Variants in ROR1 observed in about 807,000 individuals in gnomAD.
ROR1 encodes the protein inactive tyrosine-protein kinase transmembrane receptor ROR1.
A neutral mutation model predicts 78.8 loss-of-function variants in ROR1; 19 were observed. The ratio of observed to expected loss-of-function variants is 0.24; its 90% CI spans 0.17 to 0.35. The LOEUF (loss-of-function observed/expected upper bound fraction) is 0.35, where lower values mean the gene tolerates loss of function less well. Among genes scored for constraint, ROR1 ranks in the 10% least tolerant of loss-of-function variants. The probability of loss-of-function intolerance (pLI) is 1.00; values close to 1 mark genes in which losing one functional copy is unlikely to be tolerated. For synonymous variants in ROR1, 386 were observed against 433.6 expected (o/e 0.89, Z 1.36); for missense variants, 917 against 1,177.8 (o/e 0.78, Z 3.24).
At chr1:64,063,946 T>C (rs1646936541) in intron 4 of ROR1, among the ~76,000 whole-genome samples, 1 of 152,210 alleles carries the variant, frequency 6.6e-6, no homozygotes, top group Non-Finnish European at 1.5e-5. Flanking sequence ...TTAGCCCAGC[T>C]CTACCTTTCT....
At chr1:63,965,185 A>G (rs1052258680) in intron 1 of ROR1, among the ~76,000 whole-genome samples, 1 of 152,140 alleles carries the variant, frequency 6.6e-6, no homozygotes, top group Admixed American at 6.5e-5. Flanking sequence ...AATTTGCCCA[A>G]CGTTAACACA....
At chr1:64,058,677 A>G (rs1401753561) in intron 4 of ROR1, among the ~76,000 whole-genome samples, 2 of 151,904 alleles carry the variant, frequency 1.3e-5, no homozygotes, top group Non-Finnish European at 2.9e-5. Flanking sequence ...TTGTATTAGA[A>G]TAATTCCTAC....
chr1:64,071,186 G>A (rs184057907), intron 4 of ROR1, among the ~76,000 whole-genome samples: 1 of 152,284 alleles, frequency 6.6e-6, no homozygotes, highest in Admixed American at 6.5e-5. Context: ...GCAAGCCAGT[G>A]TTTGGGCTTC....
chr1:63,944,938 A>G (rs1396254837), intron 1 of ROR1, among the ~76,000 whole-genome samples: 2 of 152,218 alleles, frequency 1.3e-5, no homozygotes, highest in Admixed American at 1.3e-4. Flanking sequence ...CCTCTCTTGC[A>G]TATTAAAATT....
chr1:63,867,415 T>G (rs1245652127), intron 1 of ROR1, among the ~76,000 whole-genome samples: 2 of 152,180 alleles, frequency 1.3e-5, no homozygotes, highest in Admixed American at 6.5e-5. Flanking sequence ...CAGTTTTCTT[T>G]CATCTTGAAA....
rs570250522 is a variant in ROR1 at position 63,840,950 on chromosome 1, C to G, written c.91+66442C>G. Among the ~76,000 whole-genome samples the G allele has an allele frequency of 1.9e-3, 290 of 152,046 alleles. 2 individuals carry two copies. The highest frequency in any genetic ancestry group is 6.8e-3 in the African/African-American group (282 of 41,332). Reference sequence around the variant, plus strand: ...CTGTTTTCAACAGGTTCCTAAGGGTCTGTGTTTCTAGCGCTTTAGCACTTC... The same window carrying G: ...CTGTTTTCAACAGGTTCCTAAGGGTGTGTGTTTCTAGCGCTTTAGCACTTC... On this transcript the variant is annotated intron_variant, in intron 1 of 8. Coordinates refer to ENST00000371079, the MANE Select transcript of ROR1 (RefSeq NM_005012.4).
chr1:63,855,185 A>C (rs1253394555), intron 1 of ROR1, among the ~76,000 whole-genome samples: 1 of 152,096 alleles, frequency 6.6e-6, no homozygotes, highest in Non-Finnish European at 1.5e-5. Context: ...TGACCTCCCA[A>C]CTTGAAGTAA....
chr1:63,998,250 T>C (rs1463468505), intron 1 of ROR1, among the ~76,000 whole-genome samples: 2 of 151,364 alleles, frequency 1.3e-5, no homozygotes, highest in East Asian at 3.9e-4. Flanking sequence ...TAAAATTAAG[T>C]GGAAAATTGT....
intron 8 of ROR1, among the ~76,000 whole-genome samples, chr1:64,165,701 C>CTTTTTTTTTTTTTTTTTTTTTTTTTT (rs576997668): frequency 9.7e-6 from 1 of 102,920 alleles, no homozygotes; most frequent in Non-Finnish European, 1.9e-5. Context: ...TCGGGTTTTA[C>CTTTTTTTTTTTTTTTTTTTTTTTTTT]TTTTTTTTTT....
At chr1:63,820,653 A>T (rs1644918342) in intron 1 of ROR1, among the ~76,000 whole-genome samples, 1 of 152,202 alleles carries the variant, frequency 6.6e-6, no homozygotes, top group Non-Finnish European at 1.5e-5. Context: ...ATGTGGATAA[A>T]AGAATGAACA....
At chr1:63,884,313 G>C (rs77886516) in intron 1 of ROR1, among the ~76,000 whole-genome samples, 13,161 of 152,124 alleles carry the variant, frequency 0.087, 1,532 homozygotes, top group African/African-American at 0.26. Context: ...GGTAAAGTCA[G>C]ACTGTTGGTG....
In ROR1 at chr1:63,778,161, A is replaced by G. The variant is rs538536450; in HGVS notation, c.91+3653A>G. Among the ~76,000 whole-genome samples the G allele has an allele frequency of 2.0e-5, 3 of 152,330 alleles. No homozygotes were observed. In the South Asian group the frequency reaches 6.2e-4, roughly 32 times the overall value. On this transcript the variant is annotated intron_variant, in intron 1 of 8. Transcript: ENST00000371079. ...CCTTTCAAGAGTGTTATGAGATTGA[A>G]GTGAGGTCATGCATGTAAAGTACTG...
intron 1 of ROR1, among the ~76,000 whole-genome samples, chr1:63,977,077 A>T (rs1005025981): frequency 6.6e-6 from 1 of 152,134 alleles, no homozygotes; most frequent in Non-Finnish European, 1.5e-5. Flanking sequence ...AGTGGGGGGA[A>T]AGCCCCTTAT....
intron 4 of ROR1, among the ~76,000 whole-genome samples, chr1:64,052,323 C>T (rs186597301): frequency 1.3e-4 from 20 of 151,604 alleles, no homozygotes; most frequent in African/African-American, 4.6e-4. Flanking sequence ...TCCTGTTAAT[C>T]TGTGTTTCAA....
intron 1 of ROR1, among the ~76,000 whole-genome samples, chr1:63,860,934 G>A (rs900971591): frequency 2.6e-5 from 4 of 152,236 alleles, no homozygotes; most frequent in African/African-American, 9.6e-5. Context: ...GAACAGATAG[G>A]AGGGTGTGCA....
At chr1:63,903,815 G>C (rs1189643376) in intron 1 of ROR1, among the ~76,000 whole-genome samples, 1 of 151,674 alleles carries the variant, frequency 6.6e-6, no homozygotes. Context: ...TTACACAGCA[G>C]GTAGCATACT....
chr1:64,112,967 C>T (rs1471719010), intron 4 of ROR1, among the ~76,000 whole-genome samples: 1 of 152,136 alleles, frequency 6.6e-6, no homozygotes, highest in African/African-American at 2.4e-5. Context: ...GTAGCCAGTA[C>T]ATAATAAGCA....
At chr1:63,961,030 AT>A (rs71584421) in intron 1 of ROR1, among the ~76,000 whole-genome samples, 1 of 152,100 alleles carries the variant, frequency 6.6e-6, no homozygotes, top group Non-Finnish European at 1.5e-5. Flanking sequence ...CTGAACTAGC[AT>A]TTTCTTTTCT....
At chr1:63,804,043 A>G (rs1644812415) in intron 1 of ROR1, among the ~76,000 whole-genome samples, 1 of 152,186 alleles carries the variant, frequency 6.6e-6, no homozygotes, top group African/African-American at 2.4e-5. Flanking sequence ...TCTAAAGGTT[A>G]TATTTATAGA....
Sources: gnomAD v4.1 joint callset for allele counts (sites outside exome capture counted in the v4.1 genomes callset) on GRCh38, gnomAD v4.1.1 for gene constraint, MANE v1.5 for transcripts, NCBI Gene and HGNC (gene_info 2026-07-23, HGNC 2026-07-21) for gene names.